TYW1: variants seen among roughly 807,000 people sequenced by gnomAD.
TYW1 encodes tRNA-yW synthesizing protein 1 homolog.
A neutral mutation model predicts 96.2 loss-of-function variants in TYW1; 46 were observed. The observed-to-expected ratio is 0.48, with a 90% confidence interval of 0.38 to 0.61. The LOEUF (loss-of-function observed/expected upper bound fraction) is 0.61. Among genes scored for constraint, TYW1 ranks in the 20% least tolerant of loss-of-function variants. The pLI, the probability that TYW1 is intolerant of heterozygous loss-of-function variation, is 0.00. For missense variants in TYW1, 684 were observed against 909.6 expected (o/e 0.75, Z 3.19); for synonymous variants, 274 against 323.0 (o/e 0.85, Z 1.63).
chr7:67,165,686 G>C (rs1204192903), intron 13 of TYW1, among the ~76,000 whole-genome samples: 1 of 152,278 alleles, frequency 6.6e-6, no homozygotes, highest in Non-Finnish European at 1.5e-5. Context: ...CCAGCACTCT[G>C]GGAGGCCGAG....
chr7:67,094,461 G>A (rs1431040099), intron 11 of TYW1, among the ~76,000 whole-genome samples: 1 of 152,184 alleles, frequency 6.6e-6, no homozygotes, highest in African/African-American at 2.4e-5. Context: ...CCCACCAACA[G>A]TGTGTAATCC....
chr7:66,998,075 G>A lies in TYW1; in HGVS notation c.15G>A (p.Ala5=), dbSNP rs371121234. 71 of 1,590,642 alleles carry A rather than the reference G, an allele frequency of 4.5e-5. No homozygotes were observed. Among genetic ancestry groups the A allele is most frequent in the Non-Finnish European group, 5.6e-5 (66 of 1,172,500 alleles). Residue 5 remains alanine, a synonymous_variant, in exon 2 of 16, where the codon GCG becomes GCA. Transcript: ENST00000359626. ...TCATTTTAAATTTAGATCCTTCTGCGGATACATGGGACCTCTTCTCACCTT... is the reference window on the plus strand; with the variant it reads ...TCATTTTAAATTTAGATCCTTCTGCAGATACATGGGACCTCTTCTCACCTT... The part of the protein sequence containing the change: MDPS[A]DTWDLFSPLI...
intron 3 of TYW1, among the ~76,000 whole-genome samples, chr7:67,009,135 G>C (rs1474428376): frequency 1.3e-5 from 2 of 152,074 alleles, no homozygotes; most frequent in African/African-American, 4.8e-5. Flanking sequence ...TCAGCCTCTT[G>C]AGTAGCTGGG....
chr7:67,190,972 C>T (rs1004413957), intron 14 of TYW1, among the ~76,000 whole-genome samples: 11 of 152,122 alleles, frequency 7.2e-5, no homozygotes, highest in African/African-American at 2.4e-4. Flanking sequence ...ACTTTATGGC[C>T]CCATCTTAGT....
In TYW1 at chr7:67,018,010, T is replaced by G; in HGVS notation, c.728T>G (p.Leu243Arg). The change falls in exon 6 of 16, where the codon CTT becomes CGT. Residue 243 changes from leucine (L) to arginine (R), a missense_variant. Leu to Arg is a moderately radical substitution (Grantham distance 102). Transcript: ENST00000359626. ...AAGTTCATCTCCCAGCTGCAGGCACTTCAGAAAGGGGAGAGAAAGAAGTCC... is the reference window on the plus strand; with the variant it reads ...AAGTTCATCTCCCAGCTGCAGGCACGTCAGAAAGGGGAGAGAAAGAAGTCC... ...KTKFISQLQALQKGERKKSCG... is the reference protein window; with the variant it reads ...KTKFISQLQARQKGERKKSCG... The G allele has an allele frequency of 6.2e-7, 1 of 1,613,992 alleles. No homozygotes were observed. Among genetic ancestry groups the G allele is most frequent in the Non-Finnish European group, 8.5e-7 (1 of 1,179,998 alleles).
At chr7:67,094,531 C>T (rs545855650) in intron 11 of TYW1, among the ~76,000 whole-genome samples, 68 of 152,028 alleles carry the variant, frequency 4.5e-4, no homozygotes, top group Non-Finnish European at 7.7e-4. Context: ...AGATGATATC[C>T]CATTGTAATT....
At chr7:67,127,458 C>T (rs1166369340) in intron 13 of TYW1, among the ~76,000 whole-genome samples, 1 of 152,088 alleles carries the variant, frequency 6.6e-6, no homozygotes, top group African/African-American at 2.4e-5. Context: ...CTGTGCCCGG[C>T]CTCCTTATAA....
chr7:67,145,309 C>G (rs1170887083), intron 13 of TYW1, among the ~76,000 whole-genome samples: 2 of 151,770 alleles, frequency 1.3e-5, no homozygotes, highest in Admixed American at 6.6e-5. Flanking sequence ...CCAGCACGCC[C>G]GGCTAATTTT....
intron 13 of TYW1, among the ~76,000 whole-genome samples, chr7:67,153,499 G>A (rs1798867554): frequency 6.6e-6 from 1 of 152,146 alleles, no homozygotes; most frequent in Non-Finnish European, 1.5e-5. Context: ...TATATATGTA[G>A]ATGTATATTT....
intron 12 of TYW1, among the ~76,000 whole-genome samples, chr7:67,116,281 C>T (rs1017366964): frequency 2.0e-5 from 3 of 148,752 alleles, no homozygotes; most frequent in African/African-American, 7.5e-5. Context: ...GCTGAGATTG[C>T]ACCACTGTAC....
intron 13 of TYW1, among the ~76,000 whole-genome samples, chr7:67,181,351 A>ATAAG (rs71528208): frequency 0.28 from 42,434 of 151,648 alleles, 6,412 homozygotes; most frequent in African/African-American, 0.4. Context: ...TGGAAGAATT[A>ATAAG]TATGTAAAGG....
chr7:67,020,166 G>T (rs1220159459), intron 6 of TYW1, among the ~76,000 whole-genome samples: 3 of 152,278 alleles, frequency 2.0e-5, no homozygotes, highest in African/African-American at 7.2e-5. Flanking sequence ...GATTGCTGGA[G>T]GCTAGGAGTT....
rs1356760748 is a variant in TYW1 at position 67,238,812 on chromosome 7, T to C, written c.*283T>C. The C allele has an allele frequency of 9.6e-6, 12 of 1,245,420 alleles. No individual in the cohort carries two copies. Among genetic ancestry groups the C allele is most frequent in the Non-Finnish European group, 1.2e-5 (12 of 988,646 alleles). 77.1% of individuals were successfully genotyped at this position (1,245,420 alleles called of 1,614,324 possible). On this transcript the variant is annotated 3_prime_UTR_variant, in exon 16 of 16. Coordinates refer to ENST00000359626, the MANE Select transcript of TYW1 (RefSeq NM_018264.4). ...TACACAGTCGTGATTAGAATTTATC[T>C]GATGGTTTTGTATTATAACTTGTAA...
At chr7:67,012,458 C>T (rs1205227262) in intron 4 of TYW1, among the ~76,000 whole-genome samples, 1 of 152,108 alleles carries the variant, frequency 6.6e-6, no homozygotes, top group African/African-American at 2.4e-5. Context: ...TTTCTTTGTC[C>T]CCCAAGAAAA....
intron 5 of TYW1, among the ~76,000 whole-genome samples, chr7:67,016,904 C>T (rs1273496161): frequency 6.6e-5 from 10 of 151,702 alleles, no homozygotes; most frequent in Non-Finnish European, 1.2e-4. Context: ...GAATTATAGG[C>T]GTGAGCCACT....
chr7:67,038,548 G>A (rs1438466251), intron 7 of TYW1, among the ~76,000 whole-genome samples: 1 of 152,020 alleles, frequency 6.6e-6, no homozygotes, highest in East Asian at 1.9e-4. Context: ...CAAGGCTGCA[G>A]TGAGCTATGA....
At chr7:67,231,882 TA>T (rs1801761366) in intron 15 of TYW1, among the ~76,000 whole-genome samples, 1 of 151,754 alleles carries the variant, frequency 6.6e-6, no homozygotes, top group East Asian at 1.9e-4. Flanking sequence ...CTAGAACTAC[TA>T]AAAAGAAAAG....
intron 13 of TYW1, among the ~76,000 whole-genome samples, chr7:67,165,515 A>G (rs536742053): frequency 7.9e-5 from 12 of 151,720 alleles, no homozygotes; most frequent in African/African-American, 2.7e-4. Flanking sequence ...TCAGCATTCT[A>G]CAGTTCTGAT....
intron 13 of TYW1, among the ~76,000 whole-genome samples, chr7:67,133,872 T>A (rs1363792544): frequency 6.6e-6 from 1 of 151,640 alleles, no homozygotes; most frequent in Non-Finnish European, 1.5e-5. Context: ...GGCTTCTCTA[T>A]GTTGATATGG....
Sources: allele counts gnomAD v4.1 joint callset (sites outside exome capture counted in the v4.1 genomes callset), GRCh38; gene constraint gnomAD v4.1.1; transcripts MANE v1.5; gene names NCBI Gene and HGNC (gene_info 2026-07-23, HGNC 2026-07-21).